The following COL6A6 variants were observed in gnomAD, a reference collection of about 807,000 sequenced individuals.
COL6A6 encodes the protein collagen type VI alpha 6 chain.
COL6A6 carries 183 observed loss-of-function variants against 208.6 expected under a neutral mutation model. The observed-to-expected ratio is 0.88, with a 90% CI of 0.78 to 0.99. COL6A6 has a LOEUF of 0.99. Ranked by LOEUF, COL6A6 falls within the 50% of genes least tolerant of loss-of-function variation. COL6A6 has a pLI of 0.00. For synonymous variants in COL6A6, 973 were observed against 1,011.8 expected (o/e 0.96, Z 0.73); for missense variants, 2,816 against 2,815.2 (o/e 1.00, Z -0.01).
rs187321461 is a variant in COL6A6 at position 130,649,506 on chromosome 3, A to G, written c.5677A>G (p.Ile1893Val). Residue 1893 changes from isoleucine to valine, a missense_variant, in exon 33 of 37, where the codon ATC becomes GTC. By Grantham distance (29) the Ile-to-Val change is conservative. Transcript: ENST00000358511. Reference sequence around the variant, plus strand: ...TGCCATGGAGTTCGGCGCGCTTGAAATCATTCCCGTGGTGATCACTTTCAG... The same window carrying G: ...TGCCATGGAGTTCGGCGCGCTTGAAGTCATTCCCGTGGTGATCACTTTCAG... Reference protein sequence around the residue: ...TAAMEFGALEIIPVVITFSNV... With the variant: ...TAAMEFGALEVIPVVITFSNV... 26 of 1,606,128 alleles carry G rather than the reference A, an allele frequency of 1.6e-5. No individual in the cohort carries two copies. The East Asian group carries it at 5.2e-4, about 32-fold the overall frequency.
chr3:130,642,021 T>C (rs1364736258), intron 29 of COL6A6, among the ~76,000 whole-genome samples: 1 of 152,172 alleles, frequency 6.6e-6, no homozygotes, highest in African/African-American at 2.4e-5. Context: ...AAATGATCAT[T>C]GGATGAATGG....
chr3:130,590,280 TATATATATATATATATA>T (rs2063651525), intron 12 of COL6A6, among the ~76,000 whole-genome samples: 5 of 22,402 alleles, frequency 2.2e-4, no homozygotes, highest in Non-Finnish European at 3.9e-4. Flanking sequence ...TATATATATA[TATATATATATATATATA>T]TATTTTTTTT....
At chr3:130,607,651 A>C (rs146911851) in intron 21 of COL6A6, among the ~76,000 whole-genome samples, 294 of 152,330 alleles carry the variant, frequency 1.9e-3, no homozygotes, top group Non-Finnish European at 3.6e-3. Flanking sequence ...ATTAGATTGC[A>C]GCAACTTCTG....
chr3:130,548,494 G>A (rs983129668), intron 1 of COL6A6, among the ~76,000 whole-genome samples: 1 of 152,178 alleles, frequency 6.6e-6, no homozygotes, highest in African/African-American at 2.4e-5. Context: ...TCTTCCTCCA[G>A]GTCAGTTAAG....
At chr3:130,590,298 TA>T (rs1290542727) in intron 12 of COL6A6, among the ~76,000 whole-genome samples, 13 of 19,752 alleles carry the variant, frequency 6.6e-4, no homozygotes, top group East Asian at 1.8e-3. Context: ...TATATATATA[TA>T]TTTTTTTTTT....
rs949700107 is a variant in COL6A6 at position 130,541,874 on chromosome 3, T to G, written c.-31-18460T>G. On this transcript the variant is annotated intron_variant, in intron 1 of 36. Coordinates refer to ENST00000358511, the MANE Select transcript of COL6A6 (RefSeq NM_001102608.3). ...TAAGCCTGTTCAGGTTGTATATTCT[T>G]GTGTGAGTTTTGGCAGCTTGTGTCT... is the stretch of plus-strand genomic sequence containing the variant. Among the ~76,000 whole-genome samples the G allele has an allele frequency of 4.6e-5, 7 of 152,332 alleles. No individual in the cohort carries two copies. In the East Asian group the frequency reaches 1.3e-3, roughly 29 times the overall value.
At chr3:130,647,352 C>T (rs1429791232) in intron 32 of COL6A6, among the ~76,000 whole-genome samples, 1 of 152,102 alleles carries the variant, frequency 6.6e-6, no homozygotes, top group African/African-American at 2.4e-5. Context: ...CCACCCTTCT[C>T]TCTAAATTGT....
At position 130,534,851 on chromosome 3, in the gene COL6A6, A is replaced by AT. The variant is rs751682637; in HGVS notation, c.-32+17461dup. On this transcript the variant is annotated intron_variant, in intron 1 of 36. Transcript: ENST00000358511. ...GTTTCACGTGAAAATCTAGAAGTAG[A>AT]TTTTTTTCTGTTAATGTTTTATTTC... Among the ~76,000 whole-genome samples, 5 of 151,792 alleles carry AT rather than the reference A, an allele frequency of 3.3e-5. No homozygotes were observed. In the East Asian group the frequency reaches 9.7e-4, roughly 29 times the overall value.
chr3:130,586,643 C>T lies in COL6A6; in HGVS notation c.4108C>T (p.Arg1370Trp), dbSNP rs371511195. 3.4e-5 allele frequency: 55 copies of T among 1,611,808 alleles called. No homozygotes were observed. In the Middle Eastern group the frequency reaches 4.9e-4, roughly 14 times the overall value. The change falls in exon 11 of 37, where the codon CGG (arginine) becomes TGG (tryptophan). Residue 1370 changes from arginine (R) to tryptophan (W), a missense_variant. Transcript: ENST00000358511. ...TATTGGCATGAGAGAACTTGGAAGC[C>T]GGCTGTCAAAGCAGCTGGTAAGTTA... ...LSIGMRELGS[R>W]LSKQLVNVAE...
intron 36 of COL6A6, among the ~76,000 whole-genome samples, chr3:130,670,934 A>G (rs905790413): frequency 3.9e-5 from 6 of 152,184 alleles, no homozygotes; most frequent in African/African-American, 9.7e-5. Context: ...GCCCAAGACA[A>G]TTCTTCCAGT....
rs74659887 is a variant in COL6A6 at position 130,588,692 on chromosome 3, A to G, written c.4126-398A>G. Among the ~76,000 whole-genome samples the G allele has an allele frequency of 5.9e-3, 898 of 152,282 alleles. 7 individuals are homozygous for G. The highest frequency in any genetic ancestry group is 0.021 in the African/African-American group (881 of 41,554). ...AAAATGAGGAAAATAGCATGCATTC[A>G]TTTTATTGAACAAAATATTTGGGGC... On this transcript the variant is annotated intron_variant, in intron 11 of 36. Transcript: ENST00000358511.
chr3:130,563,135 A>C lies in COL6A6; in HGVS notation c.132A>C (p.Pro44=). ...SSDRLGSKSF[P]FVKMFITKMI... is the part of the protein sequence containing the mutation. The stretch of plus-strand genomic sequence containing the variant: ...ATCGCCTGGGATCCAAGTCCTTCCC[A>C]TTTGTGAAAATGTTCATCACCAAAA... The change falls in exon 3 of 37, where the codon CCA becomes CCC. Residue 44 remains proline, a synonymous_variant. Coordinates refer to ENST00000358511, the MANE Select transcript of COL6A6 (RefSeq NM_001102608.3). 6.2e-7 allele frequency: 1 copy of C among 1,614,010 alleles called. No homozygotes were observed. Among genetic ancestry groups the C allele is most frequent in the South Asian group, 1.1e-5 (1 of 91,082 alleles).
intron 8 of COL6A6, among the ~76,000 whole-genome samples, chr3:130,578,994 TCTAACAGTCC>T (rs1315459877): frequency 6.6e-6 from 1 of 152,184 alleles, no homozygotes; most frequent in Non-Finnish European, 1.5e-5. Flanking sequence ...AAACTGAGTC[TCTAACAGTCC>T]CTAGCTATAC....
At chr3:130,652,815 C>T (rs2065683118) in intron 33 of COL6A6, among the ~76,000 whole-genome samples, 1 of 152,218 alleles carries the variant, frequency 6.6e-6, no homozygotes, top group Non-Finnish European at 1.5e-5. Flanking sequence ...TGTGGGTCCA[C>T]ATTTTAAAAC....
chr3:130,590,811 C>A (rs2063694029), intron 12 of COL6A6, among the ~76,000 whole-genome samples: 2 of 152,146 alleles, frequency 1.3e-5, no homozygotes, highest in African/African-American at 4.8e-5. Flanking sequence ...TCTTGATCCG[C>A]CCGCCTGGGC....
chr3:130,627,197 G>A, intron 25 of COL6A6, 122 bp from the exon 26 acceptor site: 1 of 817,374 alleles, frequency 1.2e-6, no homozygotes, highest in Non-Finnish European at 2.0e-6. Flanking sequence ...GCCCTAGAAG[G>A]AGGATCCTGT....
chr3:130,634,210 A>AAAAT lies in COL6A6; in HGVS notation c.4993-348_4993-345dup, dbSNP rs1182265813. On this transcript the variant is annotated intron_variant, in intron 26 of 36. Transcript: ENST00000358511. ...CTCAAGCTATAAAATGTTAAAAAAA[A>AAAAT]AAATAAATAAATAAATAAATAAATA... Among the ~76,000 whole-genome samples, 474 of 50,224 alleles carry AAAAT rather than the reference A, an allele frequency of 9.4e-3. 3 individuals are homozygous for AAAAT. Among genetic ancestry groups the AAAAT allele is most frequent in the Middle Eastern group, 0.031 (4 of 130 alleles). 32.9% of individuals were successfully genotyped at this position (50,224 alleles called of 152,430 possible).
intron 26 of COL6A6, 132 bp from the exon 27 acceptor site, chr3:130,634,458 A>G (rs2065049817): frequency 5.5e-6 from 4 of 730,750 alleles, no homozygotes; most frequent in Non-Finnish European, 9.4e-6. Context: ...TCACTTCCAG[A>G]TTTCAATTGT....
chr3:130,606,957 A>G lies in COL6A6; in HGVS notation c.4680A>G (p.Thr1560=), dbSNP rs368262440. 5.0e-6 allele frequency: 8 copies of G among 1,608,368 alleles called. No individual in the cohort carries two copies. Among genetic ancestry groups the G allele is most frequent in the South Asian group, 2.2e-5 (2 of 90,172 alleles). ...CAGCTCATGGCAGAAGGGGACATAC[A>G]GGCCCACAGGTACAATGATTTTTCC... ...KTAAHGRRGH[T]GPQGTAGIPG... is the part of the protein sequence containing the mutation. Residue 1560 remains threonine, a synonymous_variant, in exon 21 of 37, where the codon ACA becomes ACG. Coordinates refer to ENST00000358511, the MANE Select transcript of COL6A6 (RefSeq NM_001102608.3).
Sources: allele counts gnomAD v4.1 joint callset (sites outside exome capture counted in the v4.1 genomes callset), GRCh38; gene constraint gnomAD v4.1.1; transcripts MANE v1.5; gene names NCBI Gene and HGNC (gene_info 2026-07-23, HGNC 2026-07-21).